Variants in ATP2C2 observed in about 807,000 individuals in gnomAD.
ATP2C2 encodes the protein calcium-transporting ATPase type 2C member 2.
In ATP2C2, 171 loss-of-function variants were observed where a neutral mutation model predicts 110.8. The observed-to-expected ratio is 1.54, with a 90% CI of 1.36 to 1.75. The LOEUF (loss-of-function observed/expected upper bound fraction) is 1.75. Among genes scored for constraint, ATP2C2 ranks in the 40% most tolerant of loss-of-function variants. The probability of loss-of-function intolerance (pLI) is 0.00; values close to 1 mark genes in which losing one functional copy is unlikely to be tolerated. For missense variants in ATP2C2, 1,963 were observed against 1,235.0 expected (o/e 1.59, Z -8.84); for synonymous variants, 804 against 508.4 (o/e 1.58, Z -7.82).
Position 84,410,701 on chromosome 16 carries a change from C to G in ATP2C2, c.454-3C>G, listed in dbSNP as rs996568209. ...ACAGCACATCTGATGTGCTTCCTGC[C>G]AGGAGTACAGGTCGGAGAAATCTCT... On this transcript the variant is annotated splice_region_variant and splice_polypyrimidine_tract_variant and intron_variant, in intron 5 of 26. Transcript: ENST00000262429. The G allele has an allele frequency of 6.2e-7, 1 of 1,614,112 alleles. No individual in the cohort carries two copies. Among genetic ancestry groups the G allele is most frequent in the Non-Finnish European group, 8.5e-7 (1 of 1,179,984 alleles).
At chr16:84,441,982 A>C (rs1341873516) in intron 14 of ATP2C2, among the ~76,000 whole-genome samples, 1 of 152,204 alleles carries the variant, frequency 6.6e-6, no homozygotes, top group Non-Finnish European at 1.5e-5. Flanking sequence ...AAAGAAAAGA[A>C]AAGAAATGGG....
intron 11 of ATP2C2, among the ~76,000 whole-genome samples, chr16:84,435,133 T>C (rs774645241): frequency 3.9e-5 from 6 of 152,266 alleles, no homozygotes; most frequent in African/African-American, 1.2e-4. Flanking sequence ...TGTTTTGTAA[T>C]TGGAATTTGT....
At chr16:84,386,449 T>C (rs1157446839) in intron 1 of ATP2C2, among the ~76,000 whole-genome samples, 2 of 152,208 alleles carry the variant, frequency 1.3e-5, no homozygotes, top group Admixed American at 6.5e-5. Flanking sequence ...ACAATTTCCC[T>C]GTATGTAACC....
rs180963558 is a variant in ATP2C2, at chr16:84,408,458, C to A, written c.381C>A (p.Leu127=). Residue 127 remains leucine, a synonymous_variant, in exon 4 of 27, where the codon CTC becomes CTA. Transcript: ENST00000262429. ...TGGGCTCTGCCCTGGTGAGTGTCCT[C>A]ACCAAGGAGTATGAGGACGCCGTCA... is the stretch of plus-strand genomic sequence containing the variant. The part of the protein sequence containing the change: ...LLLGSALVSV[L]TKEYEDAVSI... The A allele has an allele frequency of 1.2e-6, 2 of 1,613,798 alleles. No homozygotes were observed. Among genetic ancestry groups the A allele is most frequent in the Non-Finnish European group, 1.7e-6 (2 of 1,180,004 alleles).
intron 13 of ATP2C2, among the ~76,000 whole-genome samples, chr16:84,440,333 T>C (rs1023480357): frequency 6.6e-6 from 1 of 152,234 alleles, no homozygotes; most frequent in African/African-American, 2.4e-5. Flanking sequence ...AATTTTTTTA[T>C]CCTGATATTT....
intron 1 of ATP2C2, among the ~76,000 whole-genome samples, chr16:84,370,691 G>A (rs1909902610): frequency 1.6e-5 from 2 of 127,660 alleles, no homozygotes; most frequent in South Asian, 2.6e-4. Flanking sequence ...TTTTTTTTGC[G>A]TTATTTCATA....
At chr16:84,451,894 C>A (rs773848199) in intron 17 of ATP2C2, 27 bp from the exon 18 acceptor site, 3 of 1,594,816 alleles carry the variant, frequency 1.9e-6, no homozygotes, top group Non-Finnish European at 2.6e-6. Context: ...CCCCGGTGAC[C>A]CCTCCTTACT....
intron 3 of ATP2C2, among the ~76,000 whole-genome samples, 181 bp downstream of exon 3, chr16:84,405,425 A>G (rs1905678061): frequency 6.6e-6 from 1 of 152,168 alleles, no homozygotes; most frequent in Non-Finnish European, 1.5e-5. Flanking sequence ...AACCGCGATC[A>G]GGAAAAACAG....
chr16:84,393,184 C>A (rs1034349480), intron 1 of ATP2C2, among the ~76,000 whole-genome samples: 49 of 152,260 alleles, frequency 3.2e-4, no homozygotes, highest in African/African-American at 1.1e-3. Context: ...AGTGGACAAT[C>A]CTGTTTTCAA....
chr16:84,448,409 G>C, intron 16 of ATP2C2, 124 bp from the exon 17 acceptor site: 1 of 1,241,222 alleles, frequency 8.1e-7, no homozygotes, highest in Non-Finnish European at 1.1e-6. Context: ...ACCAGCCTAT[G>C]ATAAATAACT....
chr16:84,430,751 C>A (rs574490396), intron 11 of ATP2C2, among the ~76,000 whole-genome samples: 3 of 152,008 alleles, frequency 2.0e-5, no homozygotes, highest in African/African-American at 4.8e-5. Context: ...GATCCCAGTT[C>A]ACCCTTACAC....
intron 15 of ATP2C2, 103 bp from the exon 16 acceptor site, chr16:84,446,226 C>G (rs989865480): frequency 1.9e-6 from 1 of 532,264 alleles, no homozygotes. Flanking sequence ...GATTTCTTAT[C>G]TGCCAGAGGT....
intron 1 of ATP2C2, among the ~76,000 whole-genome samples, chr16:84,390,493 G>T (rs952290162): frequency 1.1e-4 from 17 of 152,216 alleles, no homozygotes; most frequent in Non-Finnish European, 7.3e-5. Flanking sequence ...CGCCCGCGTG[G>T]GTCTATCTGC....
At chr16:84,444,334 A>C (rs139753657) in intron 15 of ATP2C2, among the ~76,000 whole-genome samples, 1 of 152,166 alleles carries the variant, frequency 6.6e-6, no homozygotes, top group Non-Finnish European at 1.5e-5. Flanking sequence ...TTAGCTGGGC[A>C]TGGTGGTGCA....
At position 84,460,347 on chromosome 16, in the gene ATP2C2, T is replaced by TGA. The variant is rs72528191; in HGVS notation, c.2334-306_2334-305insAG. 5.6e-4 allele frequency: 218 copies of TGA among 388,762 alleles called. 5 individuals carry two copies. The East Asian group carries it at 9.7e-3, about 17-fold the overall frequency. 24.1% of individuals were successfully genotyped at this position (388,762 alleles called of 1,614,324 possible). A position where few individuals can be genotyped will look rare whatever the true frequency, so the allele number is the denominator to read the frequency against. Reference sequence around the variant, plus strand: ...GAGCCTGTTTCTCCAGGCGCAACGTTGGGGGGGGTCCCCTCGGGGTGATGG... The same window carrying TGA: ...GAGCCTGTTTCTCCAGGCGCAACGTTGAGGGGGGGGTCCCCTCGGGGTGATGG... On this transcript the variant is annotated intron_variant, in intron 23 of 26. Coordinates refer to ENST00000262429, the MANE Select transcript of ATP2C2 (RefSeq NM_014861.4).
At chr16:84,382,458 C>G (rs982896471) in intron 1 of ATP2C2, among the ~76,000 whole-genome samples, 25 of 152,250 alleles carry the variant, frequency 1.6e-4, no homozygotes, top group Non-Finnish European at 2.9e-4. Context: ...TGACTTGACT[C>G]ATGCCTCCCA....
At chr16:84,370,630 G>A (rs1490458705) in intron 1 of ATP2C2, among the ~76,000 whole-genome samples, 1 of 151,888 alleles carries the variant, frequency 6.6e-6, no homozygotes, top group Non-Finnish European at 1.5e-5. Context: ...TTGGAAAGGA[G>A]GCGATGTGTG....
chr16:84,396,126 G>A (rs1454598756), intron 1 of ATP2C2, among the ~76,000 whole-genome samples: 4 of 152,152 alleles, frequency 2.6e-5, no homozygotes, highest in African/African-American at 7.2e-5. Context: ...GTTCATCCAT[G>A]TTGTAGCATG....
chr16:84,419,991 C>T (rs1907183561), intron 7 of ATP2C2, among the ~76,000 whole-genome samples: 1 of 152,064 alleles, frequency 6.6e-6, no homozygotes, highest in Non-Finnish European at 1.5e-5. Flanking sequence ...AAAGGAGGCC[C>T]AAGCTACTTG....
Sources: gnomAD v4.1 joint callset for allele counts (sites outside exome capture counted in the v4.1 genomes callset) on GRCh38, gnomAD v4.1.1 for gene constraint, MANE v1.5 for transcripts, NCBI Gene and HGNC (gene_info 2026-07-23, HGNC 2026-07-21) for gene names.